FLT3: variants seen among roughly 807,000 people sequenced by gnomAD.
FLT3 encodes the protein fms related receptor tyrosine kinase 3.
FLT3 carries 46 observed loss-of-function variants against 126.6 expected under a neutral mutation model. The observed-to-expected ratio is 0.36, with a 90% CI of 0.29 to 0.46. FLT3 has a LOEUF of 0.46. FLT3 is among the 20% of genes least tolerant of loss of function. The probability of loss-of-function intolerance (pLI) is 1.00; values close to 1 mark genes in which losing one functional copy is unlikely to be tolerated. For synonymous variants in FLT3, 404 were observed against 434.4 expected (o/e 0.93, Z 0.87); for missense variants, 1,069 against 1,190.3 (o/e 0.90, Z 1.50).
At chr13:28,079,914 G>A (rs1878207429) in intron 1 of FLT3, among the ~76,000 whole-genome samples, 1 of 152,170 alleles carries the variant, frequency 6.6e-6, no homozygotes, top group African/African-American at 2.4e-5. Flanking sequence ...ATCACATAGT[G>A]AGAAAGGAAG....
intron 9 of FLT3, among the ~76,000 whole-genome samples, chr13:28,046,744 C>T (rs1209143543): frequency 6.6e-6 from 1 of 151,952 alleles, no homozygotes; most frequent in African/African-American, 2.4e-5. Context: ...TAAAGGTGTA[C>T]ACCACCACAC....
chr13:28,095,010 C>T (rs1289767330), intron 1 of FLT3, among the ~76,000 whole-genome samples: 2 of 152,128 alleles, frequency 1.3e-5, no homozygotes, highest in Non-Finnish European at 2.9e-5. Flanking sequence ...GAAAAATCTT[C>T]GACCCTATAA....
At position 28,049,540 on chromosome 13, in the gene FLT3, A is replaced by T; in HGVS notation, c.883-3T>A. 1 of 1,613,062 alleles carries T rather than the reference A, an allele frequency of 6.2e-7. No homozygotes were observed. Among genetic ancestry groups the T allele is most frequent in the Non-Finnish European group, 8.5e-7 (1 of 1,179,314 alleles). ...GTACTCATCTCAAAGTAGTTGCCCT[A>T]GGTTTTAATAAAACAGAGTTTGCAT... On this transcript the variant is annotated splice_region_variant and splice_polypyrimidine_tract_variant and intron_variant, in intron 7 of 23. Transcript: ENST00000241453.
intron 15 of FLT3, among the ~76,000 whole-genome samples, chr13:28,033,038 CAG>C (rs960804015): frequency 4.6e-5 from 7 of 152,048 alleles, no homozygotes; most frequent in African/African-American, 1.7e-4. Context: ...CTCTCCTACC[CAG>C]AGTCTGTTTC....
intron 2 of FLT3, among the ~76,000 whole-genome samples, chr13:28,064,327 C>T (rs1488942332): frequency 6.6e-6 from 1 of 151,826 alleles, no homozygotes; most frequent in Non-Finnish European, 1.5e-5. Flanking sequence ...GAAATCCCAG[C>T]ACTTTGGGAG....
Position 28,003,383 on chromosome 13 carries a change from T to C in FLT3, c.*669A>G. 4.3e-6 allele frequency: 1 copy of C among 233,566 alleles called. No homozygotes were observed. The highest frequency in any genetic ancestry group is 5.6e-5 in the Admixed American group (1 of 17,848). 14.5% of individuals were successfully genotyped at this position (233,566 alleles called of 1,614,324 possible). A position where few individuals can be genotyped will look rare whatever the true frequency, so the allele number is the denominator to read the frequency against. The stretch of plus-strand genomic sequence containing the variant: ...TGTCTAGGTGATGTATTACTCTTTA[T>C]GGTAGAACACCTATTCATTATAAAC... On this transcript the variant is annotated 3_prime_UTR_variant, in exon 24 of 24. Transcript: ENST00000241453.
chr13:28,019,291 T>C (rs944187228), intron 19 of FLT3, among the ~76,000 whole-genome samples: 1 of 152,006 alleles, frequency 6.6e-6, no homozygotes, highest in African/African-American at 2.4e-5. Flanking sequence ...GACTGGAAAA[T>C]AGCTTTAGGA....
chr13:28,081,781 C>G lies in FLT3; in HGVS notation c.44-11169G>C, dbSNP rs553029633. Among the ~76,000 whole-genome samples the G allele has an allele frequency of 3.6e-4, 52 of 142,528 alleles. 1 individual carries two copies. In the South Asian group the frequency reaches 0.012, roughly 32 times the overall value. 93.5% of individuals were successfully genotyped at this position (142,528 alleles called of 152,430 possible). On this transcript the variant is annotated intron_variant, in intron 1 of 23. Coordinates refer to ENST00000241453, the MANE Select transcript of FLT3 (RefSeq NM_004119.3). Reference sequence around the variant, plus strand: ...TAGCTTGAGGAAGATAAGTTCTTTTCTCTTCTGTAATATTTTTATTATAAT... The same window carrying G: ...TAGCTTGAGGAAGATAAGTTCTTTTGTCTTCTGTAATATTTTTATTATAAT...
intron 9 of FLT3, among the ~76,000 whole-genome samples, chr13:28,037,682 A>G (rs538087808): frequency 1.6e-4 from 25 of 152,280 alleles, no homozygotes; most frequent in African/African-American, 5.8e-4. Flanking sequence ...GAACTTGTGC[A>G]GGTGGAGAAG....
rs1481362608 is a variant in FLT3, at chr13:28,070,527, A to C, written c.129T>G (p.Asn43Lys). 1 of 1,608,432 alleles carries C rather than the reference A, an allele frequency of 6.2e-7. No homozygotes were observed. The highest frequency in any genetic ancestry group is 8.5e-7 in the Non-Finnish European group (1 of 1,175,568). ...IKCVLINHKN[N>K]DSSVGKSSSY... ...ATGATGACTTCCCCACTGATGAATC[A>C]TTGTTCTTATGATTGATTAAAACAC... Residue 43 changes from asparagine to lysine, a missense_variant, in exon 2 of 24, where the codon AAT becomes AAG. Coordinates refer to ENST00000241453, the MANE Select transcript of FLT3 (RefSeq NM_004119.3).
rs77795141 is a variant in FLT3 at position 28,036,672 on chromosome 13, T to C, written c.1309+513A>G. Among the ~76,000 whole-genome samples, 740 of 152,342 alleles carry C rather than the reference T, an allele frequency of 4.9e-3. 3 individuals are homozygous for C. Among genetic ancestry groups the C allele is most frequent in the African/African-American group, 0.017 (718 of 41,574 alleles). On this transcript the variant is annotated intron_variant, in intron 10 of 23. Transcript: ENST00000241453. The stretch of plus-strand genomic sequence containing the variant: ...GTGAAATAAGTCTTTCAGCTTCTGA[T>C]GATACACACAGAAAGAGATATATGG...
At chr13:28,057,090 A>ACTGAACAGAGG (rs1177264036) in intron 4 of FLT3, among the ~76,000 whole-genome samples, 1 of 152,220 alleles carries the variant, frequency 6.6e-6, no homozygotes, top group Non-Finnish European at 1.5e-5. Flanking sequence ...GCCATCTGCT[A>ACTGAACAGAGG]CTGAACAGAG....
At chr13:28,091,374 A>C (rs1372765320) in intron 1 of FLT3, among the ~76,000 whole-genome samples, 17 of 148,208 alleles carry the variant, frequency 1.1e-4, no homozygotes, top group African/African-American at 4.0e-4. Flanking sequence ...GGCGCCCGCC[A>C]CCACGCCCGG....
chr13:28,082,670 TTTTTGTTTTGTTTTG>T lies in FLT3; in HGVS notation c.44-12073_44-12059del, dbSNP rs140799826. Among the ~76,000 whole-genome samples, 745 of 143,514 alleles carry T rather than the reference TTTTTGTTTTGTTTTG, an allele frequency of 5.2e-3. 4 individuals carry two copies. The highest frequency in any genetic ancestry group is 0.013 in the African/African-American group (512 of 38,602). 94.2% of individuals were successfully genotyped at this position (143,514 alleles called of 152,430 possible). A position where few individuals can be genotyped will look rare whatever the true frequency, so the allele number is the denominator to read the frequency against. On this transcript the variant is annotated intron_variant, in intron 1 of 23. Transcript: ENST00000241453. ...GTCAGGAGCCACGACGCCCAGCTAATTTTTGTTTTGTTTTGTTTTGTTTTGTTTTGTTTTGTTTTG... is the reference window on the plus strand; with the variant it reads ...GTCAGGAGCCACGACGCCCAGCTAATTTTTGTTTTGTTTTGTTTTGTTTTG...
At chr13:28,066,870 C>T (rs919598931) in intron 2 of FLT3, among the ~76,000 whole-genome samples, 1 of 152,168 alleles carries the variant, frequency 6.6e-6, no homozygotes, top group Admixed American at 6.5e-5. Flanking sequence ...CCCTCCAAGA[C>T]ACTTATTAAT....
chr13:28,060,503 A>C (rs1278016194), intron 3 of FLT3, among the ~76,000 whole-genome samples: 1 of 151,002 alleles, frequency 6.6e-6, no homozygotes, highest in Admixed American at 6.6e-5. Context: ...AAAATCCTAG[A>C]TATTCTTTTC....
intron 3 of FLT3, among the ~76,000 whole-genome samples, chr13:28,060,466 T>TAAAAA (rs10629301): frequency 3.0e-5 from 4 of 135,356 alleles, no homozygotes; most frequent in Non-Finnish European, 4.6e-5. Flanking sequence ...TAAAAATATT[T>TAAAAA]AAAAAAAAAA....
At chr13:28,083,518 G>A (rs1415131307) in intron 1 of FLT3, among the ~76,000 whole-genome samples, 1 of 152,200 alleles carries the variant, frequency 6.6e-6, no homozygotes, top group African/African-American at 2.4e-5. Flanking sequence ...GAGTTGAGAA[G>A]TGTCGCCTTC....
chr13:28,025,053 T>C, intron 17 of FLT3, 110 bp from the exon 18 acceptor site: 1 of 701,152 alleles, frequency 1.4e-6, no homozygotes, highest in Non-Finnish European at 2.5e-6. Flanking sequence ...AATTGACTTT[T>C]AAATTAAAAG....
Sources: allele counts gnomAD v4.1 joint callset (sites outside exome capture counted in the v4.1 genomes callset), GRCh38; gene constraint gnomAD v4.1.1; transcripts MANE v1.5; gene names NCBI Gene and HGNC (gene_info 2026-07-23, HGNC 2026-07-21).